Variants in ATM observed in about 807,000 individuals in gnomAD.
ATM encodes the protein serine-protein kinase ATM.
Under a neutral mutation model 387.0 loss-of-function variants are expected in ATM, and 308 were observed. The ratio of observed to expected loss-of-function variants is 0.80; its 90% CI spans 0.73 to 0.87. The LOEUF is 0.87. Ranked by LOEUF, ATM falls within the 40% of genes least tolerant of loss-of-function variation. ATM has a pLI of 0.00. For missense variants in ATM, 3,312 were observed against 3,560.9 expected (o/e 0.93, Z 1.78); for synonymous variants, 1,156 against 1,187.3 (o/e 0.97, Z 0.54).
At chr11:108,295,394 A>ATAAC (rs2083068979) in intron 32 of ATM, 1 of 293,660 alleles carries the variant, frequency 3.4e-6, no homozygotes, top group Non-Finnish European at 6.5e-6. Flanking sequence ...TGGCACCATC[A>ATAAC]TAACTTACTA....
intron 56 of ATM, among the ~76,000 whole-genome samples, chr11:108,336,616 T>C (rs1159208408): frequency 2.0e-5 from 3 of 152,252 alleles, no homozygotes; most frequent in Non-Finnish European, 1.5e-5. Flanking sequence ...CAACGCTGTA[T>C]TGTAGTGAAT....
intron 4 of ATM, chr11:108,230,775 C>T (rs1196249836): frequency 2.6e-5 from 4 of 152,248 alleles, no homozygotes; most frequent in African/African-American, 4.8e-5. Context: ...AATCTTGGCT[C>T]ACTGCAGCCT....
At chr11:108,324,173 G>A (rs2085435287) in intron 45 of ATM, among the ~76,000 whole-genome samples, 2 of 152,146 alleles carry the variant, frequency 1.3e-5, no homozygotes, top group East Asian at 3.9e-4. Flanking sequence ...CCTATTACAC[G>A]TAATCTAGAG....
chr11:108,293,841 G>T (rs1418737534), intron 31 of ATM, among the ~76,000 whole-genome samples: 1 of 138,834 alleles, frequency 7.2e-6, no homozygotes, highest in Non-Finnish European at 1.5e-5. Flanking sequence ...TTGCTCCACT[G>T]CATTCCAGCC....
rs2084043095 is a variant in ATM at position 108,310,328 on chromosome 11, A to C, written c.5918+13A>C. On this transcript the variant is annotated intron_variant, in intron 39 of 62. Transcript: ENST00000675843. Reference sequence around the variant, plus strand: ...ATCAAGAGAAAAGGTAATGGAATTTAGAATTTTTGGTTTTTAAAATTAATG... The same window carrying C: ...ATCAAGAGAAAAGGTAATGGAATTTCGAATTTTTGGTTTTTAAAATTAATG... 1 of 1,611,032 alleles carries C rather than the reference A, an allele frequency of 6.2e-7. No homozygotes were observed. The highest frequency in any genetic ancestry group is 2.2e-5 in the East Asian group (1 of 44,738).
intron 42 of ATM, among the ~76,000 whole-genome samples, chr11:108,316,678 G>A (rs1254428254): frequency 6.6e-6 from 1 of 151,270 alleles, no homozygotes; most frequent in African/African-American, 2.4e-5. Flanking sequence ...GGGAGGCCGA[G>A]GCGAGCAGAT....
Position 108,246,974 on chromosome 11 carries a change from A to G in ATM, c.912A>G (p.Glu304=), listed in dbSNP as rs1286754263. The G allele has an allele frequency of 6.2e-7, 1 of 1,610,546 alleles. No individual in the cohort carries two copies. The highest frequency in any genetic ancestry group is 1.3e-5 in the African/African-American group (1 of 74,846). Residue 304 remains glutamate, a synonymous_variant, in exon 8 of 63, where the codon GAA becomes GAG. Transcript: ENST00000675843. ...GAKTQEKGAY[E]STKWRSILYN... is the part of the protein sequence containing the mutation. The stretch of plus-strand genomic sequence containing the variant: ...TTTTTTGGATTACAGGTGCTTATGA[A>G]TCAACAAAATGGAGAAGTATTTTAT...
At chr11:108,249,156 T>C in intron 9 of ATM, 54 bp downstream of exon 9, 3 of 1,601,930 alleles carry the variant, frequency 1.9e-6, no homozygotes, top group Non-Finnish European at 2.6e-6. Flanking sequence ...TGTATGTTAT[T>C]TTTCAGAAAA....
At chr11:108,352,040 C>T (rs2089270232) in intron 59 of ATM, among the ~76,000 whole-genome samples, 1 of 152,014 alleles carries the variant, frequency 6.6e-6, no homozygotes, top group Non-Finnish European at 1.5e-5. Context: ...GTGGTGACTC[C>T]CAAAGGCATT....
chr11:108,267,654 C>G (rs906986884), intron 17 of ATM, among the ~76,000 whole-genome samples: 3 of 152,084 alleles, frequency 2.0e-5, no homozygotes, highest in African/African-American at 4.8e-5. Context: ...GTCAGGAGAT[C>G]AAGACCATCC....
intron 1 of ATM, chr11:108,226,606 A>G (rs228591): frequency 0.54 from 82,036 of 152,094 alleles, 22,673 homozygotes; most frequent in Middle Eastern, 0.74. Context: ...GAAGTGGTAG[A>G]CAAAGCTTAC....
chr11:108,338,952 T>G lies in ATM; in HGVS notation c.8268+2991T>G, dbSNP rs532062629. Among the ~76,000 whole-genome samples, 4 of 152,288 alleles carry G rather than the reference T, an allele frequency of 2.6e-5. No homozygotes were observed. In the East Asian group the frequency reaches 5.8e-4, roughly 22 times the overall value. ...TCCCAATCCTGAGATTCAGGTCTTCTGTGGTCATTGTGTCAACAAGAGCAT... is the reference window on the plus strand; with the variant it reads ...TCCCAATCCTGAGATTCAGGTCTTCGGTGGTCATTGTGTCAACAAGAGCAT... On this transcript the variant is annotated intron_variant, in intron 56 of 62. Coordinates refer to ENST00000675843, the MANE Select transcript of ATM (RefSeq NM_000051.4).
chr11:108,241,742 C>CTTTTTT (rs1206745957), intron 5 of ATM, among the ~76,000 whole-genome samples: 118 of 45,334 alleles, frequency 2.6e-3, no homozygotes, highest in African/African-American at 3.1e-3. Context: ...TTCTTTCTTT[C>CTTTTTT]TTTTTTTTTT....
chr11:108,229,266 A>C lies in ATM; in HGVS notation c.274A>C (p.Lys92Gln). The C allele has an allele frequency of 2.5e-6, 4 of 1,613,896 alleles. No homozygotes were observed. Among genetic ancestry groups the C allele is most frequent in the Non-Finnish European group, 3.4e-6 (4 of 1,179,852 alleles). ...AGCCTCAACACAAGCCTCCAGGCAG[A>C]AAAAGATGCAGGAAATCAGTAGTTT... ...VSASTQASRQ[K>Q]KMQEISSLVK... Residue 92 changes from lysine to glutamine, a missense_variant, in exon 4 of 63, where the codon AAA becomes CAA. Around this residue, in one of 4 missense-constraint regions of ATM, gnomAD observed 1,791 missense variants for 1,804.5 expected, o/e 0.99. Transcript: ENST00000675843.
chr11:108,347,668 A>G (rs1215806960), intron 59 of ATM, among the ~76,000 whole-genome samples: 1 of 152,134 alleles, frequency 6.6e-6, no homozygotes, highest in Admixed American at 6.5e-5. Context: ...TTCCACCAAA[A>G]CAAGGAGTAA....
Position 108,297,269 on chromosome 11 carries a change from T to G in ATM, c.4910-18T>G. On this transcript the variant is annotated intron_variant, in intron 32 of 62. Coordinates refer to ENST00000675843, the MANE Select transcript of ATM (RefSeq NM_000051.4). ...TCTTCATGCTAGTTTAAACTAATTTTTAAAAAATTATTTCTAGATAATCCG... is the reference window on the plus strand; with the variant it reads ...TCTTCATGCTAGTTTAAACTAATTTGTAAAAAATTATTTCTAGATAATCCG... 6.2e-7 allele frequency: 1 copy of G among 1,606,652 alleles called. No individual in the cohort carries two copies. Among genetic ancestry groups the G allele is most frequent in the Non-Finnish European group, 8.5e-7 (1 of 1,174,144 alleles).
chr11:108,337,491 A>C (rs1378570415), intron 56 of ATM, among the ~76,000 whole-genome samples: 1 of 152,188 alleles, frequency 6.6e-6, no homozygotes, highest in Non-Finnish European at 1.5e-5. Flanking sequence ...AAAAACACAG[A>C]TTTCTGATCC....
chr11:108,332,155 C>T (rs1234236410), intron 52 of ATM, 118 bp downstream of exon 52: 19 of 1,297,936 alleles, frequency 1.5e-5, no homozygotes, highest in Admixed American at 4.1e-5. Context: ...AAGGCTGGCA[C>T]GGTGGCTCAC....
intron 61 of ATM, among the ~76,000 whole-genome samples, chr11:108,363,942 G>A (rs1215073812): frequency 1.3e-5 from 2 of 151,996 alleles, no homozygotes; most frequent in Non-Finnish European, 2.9e-5. Context: ...TCCCTTTTGT[G>A]GGTGAAACTG....
Sources: gnomAD v4.1 joint callset for allele counts (sites outside exome capture counted in the v4.1 genomes callset) on GRCh38, gnomAD v4.1.1 for gene constraint, gnomAD v4.1.1 regional missense constraint, MANE v1.5 for transcripts, NCBI Gene and HGNC (gene_info 2026-07-23, HGNC 2026-07-21) for gene names.